Variants in TBC1D31 observed in about 807,000 individuals in gnomAD.
TBC1D31 encodes TBC1 domain family member 31.
In TBC1D31, 99 loss-of-function variants were observed where a neutral mutation model predicts 132.9. The observed-to-expected ratio is 0.74, with a 90% CI of 0.63 to 0.88. TBC1D31 has a LOEUF of 0.88. TBC1D31 is among the 40% of genes least tolerant of loss of function. The probability of loss-of-function intolerance (pLI) is 0.00; values close to 1 mark genes in which losing one functional copy is unlikely to be tolerated. For synonymous variants in TBC1D31, 385 were observed against 419.4 expected (o/e 0.92, Z 1.00); for missense variants, 1,134 against 1,256.6 (o/e 0.90, Z 1.48).
intron 10 of TBC1D31, among the ~76,000 whole-genome samples, chr8:123,113,263 C>G (rs756728166): frequency 2.0e-5 from 3 of 152,148 alleles, no homozygotes; most frequent in Non-Finnish European, 4.4e-5. Flanking sequence ...TTTAGACTTT[C>G]TAAATTATGA....
intron 10 of TBC1D31, among the ~76,000 whole-genome samples, chr8:123,117,167 T>C (rs1818999292): frequency 6.6e-6 from 1 of 151,756 alleles, no homozygotes; most frequent in South Asian, 2.1e-4. Flanking sequence ...ATGCAAAAAT[T>C]CGCTGGGCAT....
At position 123,130,253 on chromosome 8, in the gene TBC1D31, G is replaced by A; in HGVS notation, c.2326G>A (p.Ala776Thr). Residue 776 changes from alanine (A) to threonine (T), a missense_variant, in exon 16 of 22, where the codon GCA becomes ACA. Coordinates refer to ENST00000287380, the MANE Select transcript of TBC1D31 (RefSeq NM_145647.4). ...AAAGGAAATGCACTTACAAGATGCT[G>A]CAAGAAGGCGTTTTCTGAAGCTTCA... Reference protein sequence around the residue: ...KVKEMHLQDAARRRFLKLQQD... With the variant: ...KVKEMHLQDATRRRFLKLQQD... 2 of 1,613,056 alleles carry A rather than the reference G, an allele frequency of 1.2e-6. No homozygotes were observed. The highest frequency in any genetic ancestry group is 1.7e-6 in the Non-Finnish European group (2 of 1,179,444).
At chr8:123,098,239 G>T (rs1432605782) in intron 6 of TBC1D31, among the ~76,000 whole-genome samples, 1 of 152,086 alleles carries the variant, frequency 6.6e-6, no homozygotes, top group Admixed American at 6.6e-5. Context: ...ATCCACTGTT[G>T]TTATATATAG....
Position 123,097,411 on chromosome 8 carries a change from T to C in TBC1D31, c.801T>C (p.Leu267=). ...KVRAIRHLEF[L]PDSFDAGSNQ... is the part of the protein sequence containing the mutation. ...GAGCCATTCGCCATCTGGAATTTCT[T>C]CCTGATAGTTTTGATGCTGGTTCTA... is the stretch of plus-strand genomic sequence containing the variant. Residue 267 remains leucine (L), a synonymous_variant, in exon 6 of 22, where the codon CTT becomes CTC. Transcript: ENST00000287380. 1 of 1,614,220 alleles carries C rather than the reference T, an allele frequency of 6.2e-7. No individual in the cohort carries two copies. Among genetic ancestry groups the C allele is most frequent in the Non-Finnish European group, 8.5e-7 (1 of 1,180,032 alleles).
intron 6 of TBC1D31, among the ~76,000 whole-genome samples, chr8:123,100,018 A>G (rs899351306): frequency 1.3e-5 from 2 of 152,188 alleles, no homozygotes; most frequent in Middle Eastern, 6.8e-3. Context: ...GTCATGCCCT[A>G]ATCACCTCTC....
At chr8:123,124,817 A>C (rs1819871328) in intron 11 of TBC1D31, among the ~76,000 whole-genome samples, 1 of 151,630 alleles carries the variant, frequency 6.6e-6, no homozygotes, top group South Asian at 2.1e-4. Flanking sequence ...GGTGCCTCTA[A>C]TCCCAGCTAA....
At chr8:123,107,389 C>A (rs2130498693) in intron 8 of TBC1D31, among the ~76,000 whole-genome samples, 1 of 152,312 alleles carries the variant, frequency 6.6e-6, no homozygotes, top group East Asian at 1.9e-4. Flanking sequence ...TATATATAAC[C>A]ATTGTCCTCA....
intron 2 of TBC1D31, among the ~76,000 whole-genome samples, chr8:123,078,634 G>T (rs1315704349): frequency 6.6e-6 from 1 of 152,164 alleles, no homozygotes; most frequent in Non-Finnish European, 1.5e-5. Flanking sequence ...AGTACAGGAT[G>T]AGCCTGTAAC....
At chr8:123,073,273 G>A (rs1225138321) in intron 1 of TBC1D31, 15 of 462,218 alleles carry the variant, frequency 3.2e-5, no homozygotes, top group South Asian at 2.0e-4. Context: ...TCCAAAGGCT[G>A]CAGTTTATCC....
rs775524538 is a variant in TBC1D31 at position 123,072,773 on chromosome 8, C to A, written c.4C>A (p.Gln2Lys). 1.3e-6 allele frequency: 2 copies of A among 1,564,972 alleles called. No individual in the cohort carries two copies. Among genetic ancestry groups the A allele is most frequent in the Non-Finnish European group, 1.7e-6 (2 of 1,155,138 alleles). The part of the protein sequence containing the change: M[Q>K]STDLGNKESG... ...GCGGTCGTGGGCAAGCTTCGCCATGCAGAGCACTGACCTAGGCAACAAGGA... is the reference window on the plus strand; with the variant it reads ...GCGGTCGTGGGCAAGCTTCGCCATGAAGAGCACTGACCTAGGCAACAAGGA... The change falls in exon 1 of 22, where the codon CAG becomes AAG. Residue 2 changes from glutamine to lysine, a missense_variant. Physicochemically the swap from Gln to Lys is moderately conservative, Grantham distance 53. Transcript: ENST00000287380.
chr8:123,091,075 C>A (rs956952159), intron 4 of TBC1D31, among the ~76,000 whole-genome samples: 12 of 152,084 alleles, frequency 7.9e-5, no homozygotes, highest in Admixed American at 1.3e-4. Context: ...ACTACAGCTC[C>A]GTCCTTGAAC....
chr8:123,151,777 T>G (rs765547891), intron 21 of TBC1D31, 29 bp from the exon 22 acceptor site: 1 of 1,542,654 alleles, frequency 6.5e-7, no homozygotes, highest in South Asian at 1.3e-5. Context: ...AAAACTCAGC[T>G]TTTCTAAATT....
At chr8:123,115,944 A>G (rs1264487012) in intron 10 of TBC1D31, among the ~76,000 whole-genome samples, 1 of 152,212 alleles carries the variant, frequency 6.6e-6, no homozygotes, top group Admixed American at 6.5e-5. Flanking sequence ...TAGAGCATGG[A>G]CATCTTTTGG....
intron 9 of TBC1D31, 26 bp from the exon 10 acceptor site, chr8:123,109,448 G>T (rs956798126): frequency 6.2e-7 from 1 of 1,609,094 alleles, no homozygotes; most frequent in Non-Finnish European, 8.5e-7. Context: ...AAAAATTGGG[G>T]GGATTAAAAT....
rs1294192012 is a variant in TBC1D31 at position 123,100,810 on chromosome 8, C to G, written c.835C>G (p.Leu279Val). The change falls in exon 7 of 22, where the codon CTT becomes GTT. Residue 279 changes from leucine (L) to valine (V), a missense_variant. Transcript: ENST00000287380. ...ATTTATATTTTTTCTCTCTTAGGTTCTTGGAGTACTAAGTCAAGATGGTAT... is the reference window on the plus strand; with the variant it reads ...ATTTATATTTTTTCTCTCTTAGGTTGTTGGAGTACTAAGTCAAGATGGTAT... Reference protein sequence around the residue: ...DSFDAGSNQVLGVLSQDGIMR... With the variant: ...DSFDAGSNQVVGVLSQDGIMR... 2.0e-5 allele frequency: 33 copies of G among 1,610,748 alleles called. No individual in the cohort carries two copies. The highest frequency in any genetic ancestry group is 2.2e-5 in the Non-Finnish European group (26 of 1,177,344).
chr8:123,138,448 TAAC>T (rs1821310889), intron 17 of TBC1D31, among the ~76,000 whole-genome samples: 1 of 152,204 alleles, frequency 6.6e-6, no homozygotes, highest in Non-Finnish European at 1.5e-5. Flanking sequence ...CCTCGAGAAA[TAAC>T]AACTGCTAAT....
chr8:123,142,530 C>T, intron 19 of TBC1D31, 74 bp downstream of exon 19: 1 of 1,226,932 alleles, frequency 8.2e-7, no homozygotes. Flanking sequence ...CAGAGTCTCA[C>T]TTTGTTGTAC....
intron 10 of TBC1D31, among the ~76,000 whole-genome samples, chr8:123,118,901 T>A (rs1298090096): frequency 1.3e-5 from 2 of 152,180 alleles, no homozygotes; most frequent in African/African-American, 2.4e-5. Context: ...TTTTTAAAAA[T>A]TTTTTGTAGA....
chr8:123,120,669 G>A (rs562019570), intron 11 of TBC1D31, among the ~76,000 whole-genome samples: 69 of 151,968 alleles, frequency 4.5e-4, no homozygotes, highest in Non-Finnish European at 7.7e-4. Flanking sequence ...GCAAGACCCC[G>A]TCTCAAAAAT....
Sources: allele counts gnomAD v4.1 joint callset (sites outside exome capture counted in the v4.1 genomes callset), GRCh38; gene constraint gnomAD v4.1.1; transcripts MANE v1.5; gene names NCBI Gene and HGNC (gene_info 2026-07-23, HGNC 2026-07-21).